Variants in RABGAP1L observed in about 807,000 individuals in gnomAD.
RABGAP1L encodes the protein RAB GTPase activating protein 1 like.
A neutral mutation model predicts 137.7 loss-of-function variants in RABGAP1L; 63 were observed. The ratio of observed to expected loss-of-function variants is 0.46; its 90% CI spans 0.37 to 0.56. The LOEUF is 0.56. Among genes scored for constraint, RABGAP1L ranks in the 20% least tolerant of loss-of-function variants. The pLI is 0.00. For missense variants in RABGAP1L, 1,095 were observed against 1,244.0 expected, an observed-to-expected ratio of 0.88 and a Z score of 1.80; for synonymous variants, 431 against 433.7, an observed-to-expected ratio of 0.99 and a Z score of 0.08.
chr1:174,465,495 C>T (rs917388556), intron 13 of RABGAP1L, among the ~76,000 whole-genome samples: 13 of 152,112 alleles, frequency 8.5e-5, no homozygotes, highest in East Asian at 1.9e-4. Context: ...CCACCATGCC[C>T]GGCCTATTGA....
intron 19 of RABGAP1L, among the ~76,000 whole-genome samples, chr1:174,942,790 T>C (rs1300075118): frequency 6.6e-6 from 1 of 152,160 alleles, no homozygotes; most frequent in Non-Finnish European, 1.5e-5. Flanking sequence ...AGTCCTTCTG[T>C]CTGTGTGCTT....
chr1:174,866,386 ATTATT>A (rs965309984), intron 19 of RABGAP1L, among the ~76,000 whole-genome samples: 49 of 152,314 alleles, frequency 3.2e-4, no homozygotes, highest in African/African-American at 1.1e-3. Context: ...AAATCTTTTT[ATTATT>A]TTATTTTAGA....
At chr1:174,208,920 C>G (rs1380966998) in intron 1 of RABGAP1L, among the ~76,000 whole-genome samples, 1 of 152,154 alleles carries the variant, frequency 6.6e-6, no homozygotes, top group African/African-American at 2.4e-5. Context: ...AGTTTATCAG[C>G]TTGGCCATAG....
chr1:174,244,138 G>C (rs1402481467), intron 5 of RABGAP1L, among the ~76,000 whole-genome samples: 1 of 152,164 alleles, frequency 6.6e-6, no homozygotes, highest in Admixed American at 6.5e-5. Context: ...GAAGTTTTCT[G>C]TTCTTTGATA....
chr1:174,878,857 T>C (rs1653611323), intron 19 of RABGAP1L, among the ~76,000 whole-genome samples: 1 of 151,608 alleles, frequency 6.6e-6, no homozygotes, highest in Non-Finnish European at 1.5e-5. Flanking sequence ...TTGAGAAAAA[T>C]TTGAATTTGA....
rs553062967 is a variant in RABGAP1L, at chr1:174,982,663, A to G, written c.2734-171A>G. Among the ~76,000 whole-genome samples, 12 of 152,358 alleles carry G rather than the reference A, an allele frequency of 7.9e-5. No individual in the cohort carries two copies. In the South Asian group the frequency reaches 2.5e-3, roughly 32 times the overall value. On this transcript the variant is annotated intron_variant, in intron 23 of 25. Transcript: ENST00000681986. The stretch of plus-strand genomic sequence containing the variant: ...GTGTGCTTTACATATGGAACGCTCC[A>G]GCTTTCTGCTGCTCATTTCCGAAAT...
intron 18 of RABGAP1L, among the ~76,000 whole-genome samples, chr1:174,794,810 C>T (rs1202509124): frequency 6.6e-6 from 1 of 152,136 alleles, no homozygotes; most frequent in Non-Finnish European, 1.5e-5. Context: ...TATTTGGATA[C>T]CTCCCTGATT....
chr1:174,180,526 G>A (rs1489140137), intron 1 of RABGAP1L, among the ~76,000 whole-genome samples: 2 of 152,132 alleles, frequency 1.3e-5, no homozygotes, highest in African/African-American at 4.8e-5. Flanking sequence ...GTACAATAGT[G>A]TGATCATAGC....
rs565470555 is a variant in RABGAP1L at position 174,630,135 on chromosome 1, G to A, written c.1711-7240G>A. ...TTGAATTTTGTCAAAGGCTTTTTCG[G>A]CATCTATTGAGATAATCGTGGTTTT... is the stretch of plus-strand genomic sequence containing the variant. On this transcript the variant is annotated intron_variant, in intron 13 of 25. Coordinates refer to ENST00000681986, the MANE Select transcript of RABGAP1L (RefSeq NM_001366446.1). Among the ~76,000 whole-genome samples, 4 of 151,664 alleles carry A rather than the reference G, an allele frequency of 2.6e-5. No homozygotes were observed. In the East Asian group the frequency reaches 5.8e-4, roughly 22 times the overall value.
intron 1 of RABGAP1L, among the ~76,000 whole-genome samples, chr1:174,161,718 A>G (rs1664473015): frequency 6.6e-6 from 1 of 151,838 alleles, no homozygotes; most frequent in African/African-American, 2.4e-5. Flanking sequence ...GTGACTGTAA[A>G]TAGATGAAGT....
intron 13 of RABGAP1L, among the ~76,000 whole-genome samples, chr1:174,514,961 T>A (rs1662683699): frequency 2.6e-5 from 4 of 152,154 alleles, no homozygotes; most frequent in Admixed American, 2.0e-4. Context: ...ACCTAAGAAA[T>A]TTTAAAAATG....
chr1:174,435,296 G>A (rs946202998), intron 13 of RABGAP1L, among the ~76,000 whole-genome samples: 1 of 152,194 alleles, frequency 6.6e-6, no homozygotes, highest in Non-Finnish European at 1.5e-5. Flanking sequence ...GGGATTATAA[G>A]TGTGAGCCAC....
chr1:174,833,384 G>T (rs1408422420), intron 19 of RABGAP1L, among the ~76,000 whole-genome samples: 2 of 58,614 alleles, frequency 3.4e-5, no homozygotes, highest in African/African-American at 7.1e-5. Flanking sequence ...GTGTGTGTGT[G>T]TGTGTGTGTG....
At chr1:174,508,958 G>A (rs900896013) in intron 13 of RABGAP1L, among the ~76,000 whole-genome samples, 14 of 152,090 alleles carry the variant, frequency 9.2e-5, no homozygotes, top group East Asian at 3.9e-4. Flanking sequence ...ATTTATGGTG[G>A]TGTAGTATTA....
chr1:174,964,939 T>A, intron 20 of RABGAP1L: 2 of 1,509,274 alleles, frequency 1.3e-6, no homozygotes, highest in Non-Finnish European at 1.8e-6. Flanking sequence ...TTAATTGTCT[T>A]TGTACCTATG....
chr1:174,794,298 C>A (rs1039541270), intron 18 of RABGAP1L, among the ~76,000 whole-genome samples: 1 of 152,224 alleles, frequency 6.6e-6, no homozygotes, highest in African/African-American at 2.4e-5. Context: ...CAGTGTTTGA[C>A]TAACTCTCTT....
chr1:174,349,741 C>T (rs1345524979), intron 11 of RABGAP1L, among the ~76,000 whole-genome samples: 3 of 141,048 alleles, frequency 2.1e-5, no homozygotes, highest in Non-Finnish European at 4.8e-5. Context: ...GGCTGACCCC[C>T]CCACCTCCCT....
chr1:174,162,773 TTCTG>T (rs1257514566), intron 1 of RABGAP1L, among the ~76,000 whole-genome samples: 6 of 112,330 alleles, frequency 5.3e-5, no homozygotes, highest in East Asian at 2.4e-4. Flanking sequence ...TTTTTTCTCT[TTCTG>T]TTTTTTTTTT....
chr1:174,349,803 G>A (rs1465317815), intron 11 of RABGAP1L, among the ~76,000 whole-genome samples: 2 of 122,914 alleles, frequency 1.6e-5, no homozygotes, highest in East Asian at 5.2e-4. Context: ...CCCAGTAGGG[G>A]CGGCCGGGCA....
Sources: allele counts gnomAD v4.1 joint callset (sites outside exome capture counted in the v4.1 genomes callset), GRCh38; gene constraint gnomAD v4.1.1; transcripts MANE v1.5; gene names NCBI Gene and HGNC (gene_info 2026-07-23, HGNC 2026-07-21).